Variants in RNF19B observed in about 807,000 individuals in gnomAD.
RNF19B encodes the protein E3 ubiquitin-protein ligase RNF19B.
Under a neutral mutation model 65.5 loss-of-function variants are expected in RNF19B, and 23 were observed. That is an observed-to-expected ratio of 0.35 (90% CI 0.25 to 0.50). RNF19B has a LOEUF of 0.50. Among genes scored for constraint, RNF19B ranks in the 20% least tolerant of loss-of-function variants. The pLI is 0.98. For missense variants in RNF19B, 794 were observed against 980.0 expected (o/e 0.81, Z 2.53); for synonymous variants, 372 against 379.6 (o/e 0.98, Z 0.23).
Position 32,953,001 on chromosome 1 carries a change from T to G in RNF19B, c.636-3227A>C, listed in dbSNP as rs184023801. On this transcript the variant is annotated intron_variant, in intron 1 of 8. Transcript: ENST00000235150. ...TTTTTTTTTGAAGACAAGGTCCCAC[T>G]CTGTTGCCCAGCTTCTGGACAGTGG... 3.4e-3 allele frequency among the ~76,000 whole-genome samples: 472 copies of G among 138,858 alleles called. 3 individuals carry two copies. The highest frequency in any genetic ancestry group is 0.012 in the African/African-American group (429 of 36,526). 91.1% of individuals were successfully genotyped at this position (138,858 alleles called of 152,430 possible). A position where few individuals can be genotyped will look rare whatever the true frequency, so the allele number is the denominator to read the frequency against.
intron 2 of RNF19B, among the ~76,000 whole-genome samples, chr1:32,948,815 G>A (rs1006631192): frequency 9.9e-5 from 15 of 152,080 alleles, no homozygotes; most frequent in South Asian, 6.2e-4. Context: ...GTGATTTGCT[G>A]TTAACATAGC....
chr1:32,943,936 C>T, intron 6 of RNF19B, 83 bp downstream of exon 6: 1 of 1,347,592 alleles, frequency 7.4e-7, no homozygotes, highest in African/African-American at 1.5e-5. Flanking sequence ...CAATGACAAT[C>T]TCCCTGTAAA....
chr1:32,942,381 G>C lies in RNF19B; in HGVS notation c.1481C>G (p.Thr494Ser), dbSNP rs768981506. 6.2e-7 allele frequency: 1 copy of C among 1,614,196 alleles called. No individual in the cohort carries two copies. Among genetic ancestry groups the C allele is most frequent in the South Asian group, 1.1e-5 (1 of 91,084 alleles). The change falls in exon 7 of 9, where the codon ACT (threonine) becomes AGT (serine). Residue 494 changes from threonine (T) to serine (S), a missense_variant. Thr to Ser is a moderately conservative substitution (Grantham distance 58, BLOSUM62 1). Transcript: ENST00000235150. ...AAGTCCATCTGTAGGGCTTCCACTA[G>C]TGCTCAATACACTAGTCAGGCCTTC... The part of the protein sequence containing the change: ...SIEGLTSVLS[T>S]SGSPTDGLSV...
chr1:32,949,652 A>C lies in RNF19B; in HGVS notation c.758T>G (p.Met253Arg), dbSNP rs1642444134. The C allele has an allele frequency of 2.5e-6, 4 of 1,613,976 alleles. No homozygotes were observed. In the East Asian group the frequency reaches 8.9e-5, roughly 36 times the overall value. The change falls in exon 2 of 9, where the codon ATG becomes AGG. Residue 253 changes from methionine to arginine, a missense_variant. Met to Arg is a moderately conservative substitution (Grantham distance 91, BLOSUM62 -1). Transcript: ENST00000235150. ...AGTCTGGGCCCTCTGTTGACGGGCCATATCGCATGTCTGATTTGGATGCCA... is the reference window on the plus strand; with the variant it reads ...AGTCTGGGCCCTCTGTTGACGGGCCCTATCGCATGTCTGATTTGGATGCCA... ...QIWHPNQTCD[M>R]ARQQRAQTLR...
intron 3 of RNF19B, among the ~76,000 whole-genome samples, chr1:32,947,210 A>T (rs998188217): frequency 6.6e-6 from 1 of 152,222 alleles, no homozygotes; most frequent in African/African-American, 2.4e-5. Context: ...ACTAGCACAC[A>T]GTAAGTACTC....
intron 7 of RNF19B, among the ~76,000 whole-genome samples, chr1:32,939,426 G>C (rs1464056685): frequency 6.6e-6 from 1 of 152,080 alleles, no homozygotes; most frequent in Non-Finnish European, 1.5e-5. Context: ...AACCTCAGGT[G>C]ATCACCCACC....
Position 32,964,001 on chromosome 1 carries a change from C to T in RNF19B, c.635+50G>A. 1 of 1,391,220 alleles carries T rather than the reference C, an allele frequency of 7.2e-7. No individual in the cohort carries two copies. 86.2% of individuals were successfully genotyped at this position (1,391,220 alleles called of 1,614,324 possible). A position where few individuals can be genotyped will look rare whatever the true frequency, so the allele number is the denominator to read the frequency against. On this transcript the variant is annotated intron_variant, in intron 1 of 8. Coordinates refer to ENST00000235150, the MANE Select transcript of RNF19B (RefSeq NM_001300826.2). The surrounding 1 kb of genome is among the most constrained non-coding windows in gnomAD (Gnocchi z 6.5). ...GCGGGGTCCCTGCTGCCCCCAGCCA[C>T]GCCCCTCGGCTGCAGCCCGCCGCCA...
intron 1 of RNF19B, among the ~76,000 whole-genome samples, chr1:32,951,067 G>A (rs1411903920): frequency 6.6e-6 from 1 of 152,050 alleles, no homozygotes; most frequent in Non-Finnish European, 1.5e-5. Flanking sequence ...TCGATCTCTT[G>A]ACCTTATGAT....
At chr1:32,960,883 T>C (rs999467433) in intron 1 of RNF19B, among the ~76,000 whole-genome samples, 2 of 152,062 alleles carry the variant, frequency 1.3e-5, no homozygotes, top group South Asian at 4.2e-4. Context: ...CTTGGTGGCA[T>C]GCACCCGTGT....
downstream of RNF19B, among the ~76,000 whole-genome samples, chr1:32,931,583 G>T (rs1478345581): frequency 1.3e-5 from 2 of 152,146 alleles, no homozygotes; most frequent in South Asian, 2.1e-4. Context: ...CACATAAGAG[G>T]CCTGGTAAAG....
intron 1 of RNF19B, 73 bp downstream of exon 1, chr1:32,963,978 G>C (rs1642835587): frequency 1.5e-5 from 21 of 1,366,294 alleles, no homozygotes; most frequent in Non-Finnish European, 2.0e-5. Flanking sequence ...ACACCCACGC[G>C]GGGTCCCTGC....
chr1:32,941,905 A>G (rs897152113), intron 7 of RNF19B, among the ~76,000 whole-genome samples: 33 of 152,142 alleles, frequency 2.2e-4, no homozygotes, highest in East Asian at 5.8e-4. Flanking sequence ...AGACCATCCT[A>G]GCTAACATGG....
intron 1 of RNF19B, 133 bp from the exon 2 acceptor site, chr1:32,949,907 C>G: frequency 1.6e-6 from 1 of 638,456 alleles, no homozygotes. Context: ...AATACACATA[C>G]ACACATATAC....
rs1312436795 is a variant in RNF19B, at chr1:32,964,764, CCGCCGCCGA to C, written c.-88_-80del. On this transcript the variant is annotated 5_prime_UTR_variant, in exon 1 of 9. Transcript: ENST00000235150. The surrounding 1 kb of genome is among the most constrained non-coding windows in gnomAD (Gnocchi z 6.5). ...TCAGCGCCCCTCAGCCAGCGCCCGGCCGCCGCCGACGCCGCCACCACCGCCTCAACCGCC... is the reference window on the plus strand; with the variant it reads ...TCAGCGCCCCTCAGCCAGCGCCCGGCCGCCGCCACCACCGCCTCAACCGCC... 4 of 1,243,796 alleles carry C rather than the reference CCGCCGCCGA, an allele frequency of 3.2e-6. No individual in the cohort carries two copies. Among genetic ancestry groups the C allele is most frequent in the Non-Finnish European group, 4.1e-6 (4 of 979,940 alleles). The allele number at this position is 1,243,796 out of a possible 1,614,324, so 77.0% of individuals were successfully genotyped here.
downstream of RNF19B, among the ~76,000 whole-genome samples, chr1:32,932,844 TCTATA>T (rs1417812898): frequency 6.6e-6 from 1 of 152,240 alleles, no homozygotes; most frequent in Non-Finnish European, 1.5e-5. Flanking sequence ...CATATAGGCC[TCTATA>T]CTATGCTTTT....
downstream of RNF19B, among the ~76,000 whole-genome samples, chr1:32,934,235 T>A (rs980884032): frequency 6.6e-6 from 1 of 152,310 alleles, no homozygotes; most frequent in African/African-American, 2.4e-5. Flanking sequence ...AGACTTGCCA[T>A]CCTCATTGTA....
At chr1:32,940,681 T>C (rs554386708) in intron 7 of RNF19B, among the ~76,000 whole-genome samples, 1 of 152,318 alleles carries the variant, frequency 6.6e-6, no homozygotes, top group East Asian at 1.9e-4. Flanking sequence ...CCATCTCCTC[T>C]ACCTTCCTAT....
Position 32,964,310 on chromosome 1 carries a change from G to C in RNF19B, c.376C>G (p.Leu126Val). The C allele has an allele frequency of 6.6e-7, 1 of 1,513,738 alleles. No homozygotes were observed. Among genetic ancestry groups the C allele is most frequent in the South Asian group, 1.2e-5 (1 of 81,100 alleles). The allele number at this position is 1,513,738 out of a possible 1,614,324, so 93.8% of individuals were successfully genotyped here. ...EVECPLCLVR[L>V]PPERAPRLLS... Reference sequence around the variant, plus strand: ...AGGCGCGGGGCCCGCTCAGGCGGCAGCCGCACCAGGCACAGCGGACACTCC... The same window carrying C: ...AGGCGCGGGGCCCGCTCAGGCGGCACCCGCACCAGGCACAGCGGACACTCC... The change falls in exon 1 of 9, where the codon CTG becomes GTG. Residue 126 changes from leucine (L) to valine (V), a missense_variant. By Grantham distance (32) the Leu-to-Val change is conservative. Around this residue, in one of 3 missense-constraint regions of RNF19B, gnomAD observed 374 missense variants for 423.8 expected, o/e 0.88. Coordinates refer to ENST00000235150, the MANE Select transcript of RNF19B (RefSeq NM_001300826.2). This position sits in a 1 kb window ranked among gnomAD's most constrained non-coding sequence, Gnocchi z 6.5.
At chr1:32,930,222 G>A in the RNF19B span, among the ~76,000 whole-genome samples, 1 of 150,358 alleles carries the variant, frequency 6.7e-6, no homozygotes, top group Non-Finnish European at 1.5e-5. Flanking sequence ...AGATTCTCAT[G>A]CCTCAGCCTT....
Sources: gnomAD v4.1 joint callset for allele counts (sites outside exome capture counted in the v4.1 genomes callset) on GRCh38, gnomAD v4.1.1 for gene constraint, gnomAD v4.1.1 regional missense constraint, Gnocchi (gnomAD v3.1) non-coding constraint, MANE v1.5 for transcripts, NCBI Gene and HGNC (gene_info 2026-07-23, HGNC 2026-07-21) for gene names.